The following PIWIL2 variants were observed in gnomAD, a reference collection of about 807,000 sequenced individuals.
PIWIL2 encodes piwi like RNA-mediated gene silencing 2, also known as piwi-like protein 2.
PIWIL2 carries 81 observed loss-of-function variants against 116.5 expected under a neutral mutation model. The ratio of observed to expected loss-of-function variants is 0.70; its 90% CI spans 0.58 to 0.84. PIWIL2 has a LOEUF of 0.84. Among genes scored for constraint, PIWIL2 ranks in the 40% least tolerant of loss-of-function variants. The pLI is 0.00. For synonymous variants in PIWIL2, 489 were observed against 429.5 expected, an observed-to-expected ratio of 1.14 and a Z score of -1.71; for missense variants, 1,272 against 1,212.3, an observed-to-expected ratio of 1.05 and a Z score of -0.73.
chr8:22,326,732 C>G (rs758464558), intron 20 of PIWIL2, among the ~76,000 whole-genome samples: 2 of 152,064 alleles, frequency 1.3e-5, no homozygotes, highest in Non-Finnish European at 1.5e-5. Flanking sequence ...TTTGTTGATC[C>G]TTTCACTTGT....
At chr8:22,345,150 C>T (rs1230906023) in intron 20 of PIWIL2, among the ~76,000 whole-genome samples, 1 of 152,076 alleles carries the variant, frequency 6.6e-6, no homozygotes, top group Non-Finnish European at 1.5e-5. Flanking sequence ...TGAATAGCCA[C>T]AATACTCCAG....
rs200105760 is a variant in PIWIL2 at position 22,311,253 on chromosome 8, C to T, written c.1942C>T (p.Arg648Ter). The change falls in exon 16 of 23, where the codon CGA (arginine) becomes TGA (stop). Residue 648 changes from arginine (R) to a stop codon, truncating the protein, a stop_gained. Coordinates refer to ENST00000356766, the MANE Select transcript of PIWIL2 (RefSeq NM_018068.5). LOFTEE classifies it high-confidence loss of function. ...GGCCTGGGTTGAACTAAAGGATGAC[C>T]GAATAGAGACTTATGTCAGAACCAT... ...PPAWVELKDD[R>*]IETYVRTIQS... The T allele has an allele frequency of 1.2e-6, 2 of 1,613,954 alleles. No individual in the cohort carries two copies. The highest frequency in any genetic ancestry group is 8.5e-7 in the Non-Finnish European group (1 of 1,179,956).
intron 1 of PIWIL2, among the ~76,000 whole-genome samples, chr8:22,276,376 C>A (rs944242579): frequency 2.0e-5 from 3 of 152,184 alleles, no homozygotes; most frequent in African/African-American, 7.2e-5. Flanking sequence ...AGTGCAGTGG[C>A]GTGATCTCTG....
intron 20 of PIWIL2, among the ~76,000 whole-genome samples, chr8:22,322,701 C>A (rs1310340122): frequency 6.6e-6 from 1 of 152,112 alleles, no homozygotes; most frequent in Non-Finnish European, 1.5e-5. Flanking sequence ...CCACCACACC[C>A]AGCTCAGTTT....
chr8:22,336,348 G>A (rs1831981383), intron 20 of PIWIL2, among the ~76,000 whole-genome samples: 1 of 152,022 alleles, frequency 6.6e-6, no homozygotes, highest in Non-Finnish European at 1.5e-5. Flanking sequence ...ACAAATACAT[G>A]GAAATTAAAC....
At chr8:22,275,827 C>T (rs1007943697) in intron 1 of PIWIL2, 1 of 152,370 alleles carries the variant, frequency 6.6e-6, no homozygotes, top group African/African-American at 2.4e-5. Flanking sequence ...GAGGCAGGCC[C>T]AGCCCGTCCT....
At chr8:22,280,599 A>G (rs1830477194) in intron 2 of PIWIL2, among the ~76,000 whole-genome samples, 1 of 152,330 alleles carries the variant, frequency 6.6e-6, no homozygotes, top group Middle Eastern at 3.4e-3. Flanking sequence ...GCTTTTATTC[A>G]TGTCAGATCC....
intron 20 of PIWIL2, among the ~76,000 whole-genome samples, chr8:22,347,608 C>G (rs1418823465): frequency 6.6e-6 from 1 of 150,558 alleles, no homozygotes; most frequent in Non-Finnish European, 1.5e-5. Context: ...CTCACTGCAG[C>G]CTCCGCCTCT....
At chr8:22,297,087 C>G (rs1334122583) in intron 10 of PIWIL2, among the ~76,000 whole-genome samples, 3 of 151,970 alleles carry the variant, frequency 2.0e-5, no homozygotes, top group African/African-American at 7.3e-5. Context: ...CTCCTGGGCT[C>G]AAGCAATCCT....
At chr8:22,327,020 T>C (rs1831739936) in intron 20 of PIWIL2, among the ~76,000 whole-genome samples, 1 of 135,448 alleles carries the variant, frequency 7.4e-6, no homozygotes, top group Non-Finnish European at 1.5e-5. Flanking sequence ...TTTCTGTTTT[T>C]TTACTTTTTT....
intron 4 of PIWIL2, 144 bp from the exon 5 acceptor site, chr8:22,282,890 T>G (rs1469051733): frequency 8.7e-6 from 6 of 686,180 alleles, no homozygotes; most frequent in Non-Finnish European, 1.5e-5. Flanking sequence ...GTGCCTGGCC[T>G]TGGCATATGT....
intron 20 of PIWIL2, among the ~76,000 whole-genome samples, chr8:22,350,099 G>A (rs992237680): frequency 6.6e-6 from 1 of 152,184 alleles, no homozygotes; most frequent in Non-Finnish European, 1.5e-5. Flanking sequence ...AGATTCTGCA[G>A]TGCACAGGAC....
At chr8:22,286,019 G>A (rs1830621174) in intron 6 of PIWIL2, among the ~76,000 whole-genome samples, 1 of 152,180 alleles carries the variant, frequency 6.6e-6, no homozygotes, top group South Asian at 2.1e-4. Context: ...GCTAGTTGAT[G>A]ACACAAGAGG....
At chr8:22,330,742 A>AAATAAAT (rs1398764167) in intron 20 of PIWIL2, among the ~76,000 whole-genome samples, 2 of 146,614 alleles carry the variant, frequency 1.4e-5, no homozygotes, top group African/African-American at 5.0e-5. Flanking sequence ...ATAAATAAAT[A>AAATAAAT]AAAATAGTTG....
chr8:22,296,716 A>G (rs939442463), intron 10 of PIWIL2, among the ~76,000 whole-genome samples: 1 of 151,934 alleles, frequency 6.6e-6, no homozygotes, highest in Admixed American at 6.6e-5. Flanking sequence ...CCCCTTTGGG[A>G]GCTTTGGGAG....
rs905072218 is a variant in PIWIL2, at chr8:22,283,021, C to T, written c.426-13C>T. ...ATAAAAAACCCTGATTTGCCTCTCT[C>T]TCCACATTTCAGGACGCTTGGAAGA... is the stretch of plus-strand genomic sequence containing the variant. On this transcript the variant is annotated splice_polypyrimidine_tract_variant and intron_variant, in intron 4 of 22. Transcript: ENST00000356766. The T allele has an allele frequency of 6.2e-7, 1 of 1,608,240 alleles. No homozygotes were observed. The highest frequency in any genetic ancestry group is 1.3e-5 in the African/African-American group (1 of 74,804).
At chr8:22,317,187 C>T (rs1831480369) in intron 19 of PIWIL2, among the ~76,000 whole-genome samples, 1 of 152,176 alleles carries the variant, frequency 6.6e-6, no homozygotes, top group Non-Finnish European at 1.5e-5. Flanking sequence ...ATTTTTCCCC[C>T]AGAAATGAGG....
intron 13 of PIWIL2, among the ~76,000 whole-genome samples, chr8:22,306,553 C>G (rs190141108): frequency 1.3e-5 from 2 of 152,100 alleles, no homozygotes; most frequent in Non-Finnish European, 2.9e-5. Flanking sequence ...GCACCTAGCA[C>G]CTAGGTGGCG....
chr8:22,329,655 C>T (rs1831812858), intron 20 of PIWIL2, among the ~76,000 whole-genome samples: 1 of 152,192 alleles, frequency 6.6e-6, no homozygotes, highest in African/African-American at 2.4e-5. Flanking sequence ...AATTACATGT[C>T]AACATGAGAT....
Sources: allele counts gnomAD v4.1 joint callset (sites outside exome capture counted in the v4.1 genomes callset), GRCh38; gene constraint gnomAD v4.1.1; transcripts MANE v1.5; gene names NCBI Gene and HGNC (gene_info 2026-07-23, HGNC 2026-07-21).